RHD: variants seen among roughly 807,000 people sequenced by gnomAD.
RHD encodes Rh blood group D antigen.
RHD carries 16 observed loss-of-function variants against 45.5 expected under a neutral mutation model. The ratio of observed to expected loss-of-function variants is 0.35; its 90% CI spans 0.24 to 0.53. The LOEUF (loss-of-function observed/expected upper bound fraction) is 0.53, where lower values mean the gene tolerates loss of function less well. Ranked by LOEUF, RHD falls within the 20% of genes least tolerant of loss-of-function variation. The pLI is 0.92. For synonymous variants in RHD, 131 were observed against 217.5 expected, an observed-to-expected ratio of 0.60 and a Z score of 3.50; for missense variants, 306 against 532.0, an observed-to-expected ratio of 0.58 and a Z score of 4.18.
rs1397970816 is a variant in RHD at position 25,321,715 on chromosome 1, C to T, written c.1154-174C>T. On this transcript the variant is annotated intron_variant, in intron 8 of 9. Coordinates refer to ENST00000328664, the MANE Select transcript of RHD (RefSeq NM_016124.6). ...AAATAAAATAAAATAAAATAGGCTA[C>T]AGAATTAAGCTGGTCCAGGAATGAC... 1.6e-4 allele frequency among the ~76,000 whole-genome samples: 5 copies of T among 31,800 alleles called. 1 individual carries two copies. The highest frequency in any genetic ancestry group is 2.9e-4 in the African/African-American group (5 of 17,174). 20.9% of individuals were successfully genotyped at this position (31,800 alleles called of 152,430 possible). A position where few individuals can be genotyped will look rare whatever the true frequency, so the allele number is the denominator to read the frequency against.
At position 25,323,376 on chromosome 1, in the gene RHD, CT is replaced by C. The variant is rs1233391704; in HGVS notation, c.1227+1417del. Among the ~76,000 whole-genome samples the C allele has an allele frequency of 6.6e-5, 7 of 105,872 alleles. 1 individual carries two copies. The highest frequency in any genetic ancestry group is 2.2e-4 in the African/African-American group (7 of 31,638). 69.5% of individuals were successfully genotyped at this position (105,872 alleles called of 152,430 possible). On this transcript the variant is annotated intron_variant, in intron 9 of 9. Coordinates refer to ENST00000328664, the MANE Select transcript of RHD (RefSeq NM_016124.6). Reference sequence around the variant, plus strand: ...CACTTCCACACACTTCCTCCTGCTCCTTTGAAATTCCTCCCTCCCTACCCAC... The same window carrying C: ...CACTTCCACACACTTCCTCCTGCTCCTTGAAATTCCTCCCTCCCTACCCAC...
At chr1:25,306,546 G>C in intron 6 of RHD, 50 bp from the exon 7 acceptor site, 1 of 1,364,140 alleles carries the variant, frequency 7.3e-7, no homozygotes, top group South Asian at 1.2e-5. Context: ...GGGTGGGTAG[G>C]GAATATGGGT....
rs185907768 is a variant in RHD at position 25,287,950 on chromosome 1, C to T, written c.336-2691C>T. On this transcript the variant is annotated intron_variant, in intron 2 of 9. Coordinates refer to ENST00000328664, the MANE Select transcript of RHD (RefSeq NM_016124.6). ...GTGGGTCAGGTTGGTCTGGAACTCC[C>T]GACCTCAAGTGATCCACCTGCCTAG... is the stretch of plus-strand genomic sequence containing the variant. Among the ~76,000 whole-genome samples the T allele has an allele frequency of 4.6e-3, 607 of 131,904 alleles. 94 individuals carry two copies. The highest frequency in any genetic ancestry group is 0.018 in the South Asian group (78 of 4,268). The allele number at this position is 131,904 out of a possible 152,430, so 86.5% of individuals were successfully genotyped here. A position where few individuals can be genotyped will look rare whatever the true frequency, so the allele number is the denominator to read the frequency against.
chr1:25,276,352 C>G (rs1640954438), intron 1 of RHD, among the ~76,000 whole-genome samples: 1 of 124,334 alleles, frequency 8.0e-6, no homozygotes. Context: ...GAGATGGGCA[C>G]GTAGGGTCAT....
intron 5 of RHD, 69 bp downstream of exon 5, chr1:25,301,755 C>T: frequency 1.8e-6 from 2 of 1,124,960 alleles, no homozygotes; most frequent in Non-Finnish European, 2.7e-6. Flanking sequence ...TATGCCCCTC[C>T]CCACCCCAGG....
At chr1:25,318,592 A>T (rs1455453879) in intron 8 of RHD, among the ~76,000 whole-genome samples, 4 of 131,614 alleles carry the variant, frequency 3.0e-5, no homozygotes, top group African/African-American at 1.0e-4. Context: ...TCTCAAAAAA[A>T]AAAGAAAGAA....
intron 9 of RHD, 46 bp from the exon 10 acceptor site, chr1:25,328,852 G>C: frequency 3.2e-6 from 3 of 947,738 alleles, no homozygotes; most frequent in Non-Finnish European, 1.6e-6. Flanking sequence ...GCCAAAATCA[G>C]TATGTGGGTT....
chr1:25,321,784 T>C, intron 8 of RHD, 105 bp from the exon 9 acceptor site: 1 of 588,962 alleles, frequency 1.7e-6, no homozygotes, highest in South Asian at 1.8e-5. Flanking sequence ...AGAAAAAGGA[T>C]TTCTGTTGAG....
chr1:25,286,793 AAAAAC>A (rs1295553262), intron 2 of RHD, among the ~76,000 whole-genome samples: 1 of 132,100 alleles, frequency 7.6e-6, no homozygotes, highest in East Asian at 1.9e-4. Context: ...CTCAAAAAAA[AAAAAC>A]AAAAACAGTT....
rs1640727815 is a variant in RHD at position 25,274,117 on chromosome 1, T to C, written c.148+1422T>C. Among the ~76,000 whole-genome samples, 3 of 132,900 alleles carry C rather than the reference T, an allele frequency of 2.3e-5. 1 individual carries two copies. The South Asian group carries it at 6.9e-4, about 30-fold the overall frequency. The allele number at this position is 132,900 out of a possible 152,430, so 87.2% of individuals were successfully genotyped here. A position where few individuals can be genotyped will look rare whatever the true frequency, so the allele number is the denominator to read the frequency against. ...TCATGATGATTAGAGCTGATATTTA[T>C]GAGCACTTACTATGTACCAGGCACT... On this transcript the variant is annotated intron_variant, in intron 1 of 9. Coordinates refer to ENST00000328664, the MANE Select transcript of RHD (RefSeq NM_016124.6).
chr1:25,286,565 T>A lies in RHD; in HGVS notation c.335+1806T>A, dbSNP rs1381055132. On this transcript the variant is annotated intron_variant, in intron 2 of 9. Coordinates refer to ENST00000328664, the MANE Select transcript of RHD (RefSeq NM_016124.6). Reference sequence around the variant, plus strand: ...ACTTTGGGAGGCCAAGGCGGGGGGATCATGAGGTCAGGAGATCGAGACCAT... The same window carrying A: ...ACTTTGGGAGGCCAAGGCGGGGGGAACATGAGGTCAGGAGATCGAGACCAT... Among the ~76,000 whole-genome samples the A allele has an allele frequency of 1.3e-4, 18 of 133,924 alleles. 3 individuals carry two copies. The highest frequency in any genetic ancestry group is 4.7e-4 in the African/African-American group (18 of 38,472). 87.9% of individuals were successfully genotyped at this position (133,924 alleles called of 152,430 possible).
In RHD at chr1:25,292,656, G is replaced by T. The variant is rs186522372; in HGVS notation, c.486+1865G>T. On this transcript the variant is annotated intron_variant, in intron 3 of 9. Transcript: ENST00000328664. ...AGCGTTAGGGTTAAGGTTGGGGGAGGGGGGGTAGAGATGTGTATGAAACAT... is the reference window on the plus strand; with the variant it reads ...AGCGTTAGGGTTAAGGTTGGGGGAGTGGGGGTAGAGATGTGTATGAAACAT... 2.6e-3 allele frequency among the ~76,000 whole-genome samples: 341 copies of T among 129,748 alleles called. 91 individuals carry two copies. Among genetic ancestry groups the T allele is most frequent in the Non-Finnish European group, 5.1e-3 (277 of 54,672 alleles). 85.1% of individuals were successfully genotyped at this position (129,748 alleles called of 152,430 possible). A position where few individuals can be genotyped will look rare whatever the true frequency, so the allele number is the denominator to read the frequency against.
Position 25,290,841 on chromosome 1 carries a change from T to TC in RHD, c.486+52dup. 3 of 1,358,344 alleles carry TC rather than the reference T, an allele frequency of 2.2e-6. 1 individual carries two copies. The allele number at this position is 1,358,344 out of a possible 1,614,324, so 84.1% of individuals were successfully genotyped here. On this transcript the variant is annotated intron_variant, in intron 3 of 9. Coordinates refer to ENST00000328664, the MANE Select transcript of RHD (RefSeq NM_016124.6). ...GACCTGGGAGAAAAGGGCCAAAAGC[T>TC]CCATTTGGTGGGGTTTCCAGGGTTT...
intron 1 of RHD, among the ~76,000 whole-genome samples, chr1:25,282,570 G>A (rs1641584334): frequency 7.6e-6 from 1 of 132,434 alleles, no homozygotes; most frequent in Admixed American, 7.4e-5. Context: ...AAATGATAGA[G>A]CTGGGATCGA....
chr1:25,282,645 C>T lies in RHD; in HGVS notation c.149-1928C>T, dbSNP rs1641593192. Among the ~76,000 whole-genome samples the T allele has an allele frequency of 1.5e-5, 2 of 132,406 alleles. 1 individual carries two copies. The highest frequency in any genetic ancestry group is 3.6e-5 in the Non-Finnish European group (2 of 55,816). The allele number at this position is 132,406 out of a possible 152,430, so 86.9% of individuals were successfully genotyped here. Reference sequence around the variant, plus strand: ...ACCTTTTTGAAAAACATTGTCTAGGCTGGGCACGATGGCTCATGCCTGTAA... The same window carrying T: ...ACCTTTTTGAAAAACATTGTCTAGGTTGGGCACGATGGCTCATGCCTGTAA... On this transcript the variant is annotated intron_variant, in intron 1 of 9. Transcript: ENST00000328664.
At chr1:25,307,577 T>A (rs2124695394) in intron 7 of RHD, 2 of 681,970 alleles carry the variant, frequency 2.9e-6, no homozygotes, top group East Asian at 5.3e-5. Flanking sequence ...CTCCTTGAAT[T>A]CTCACAACCG....
rs1643357499 is a variant in RHD, at chr1:25,301,151, A to G, written c.634+58A>G. On this transcript the variant is annotated intron_variant, in intron 4 of 9. Transcript: ENST00000328664. Reference sequence around the variant, plus strand: ...TTGGGCTGAGCAGAATGGCTCAGAAAAGGCTCTGGCTGAAAAAATCTCCCT... The same window carrying G: ...TTGGGCTGAGCAGAATGGCTCAGAAGAGGCTCTGGCTGAAAAAATCTCCCT... 34 of 1,328,718 alleles carry G rather than the reference A, an allele frequency of 2.6e-5. 9 individuals carry two copies. Among genetic ancestry groups the G allele is most frequent in the Non-Finnish European group, 3.5e-5 (33 of 936,360 alleles). The allele number at this position is 1,328,718 out of a possible 1,614,324, so 82.3% of individuals were successfully genotyped here. A position where few individuals can be genotyped will look rare whatever the true frequency, so the allele number is the denominator to read the frequency against.
In RHD at chr1:25,315,186, A is replaced by T; in HGVS notation, c.1074-1814A>T. Among the ~76,000 whole-genome samples the T allele has an allele frequency of 1.5e-5, 2 of 130,086 alleles. 1 individual carries two copies. The highest frequency in any genetic ancestry group is 5.3e-5 in the African/African-American group (2 of 37,876). The allele number at this position is 130,086 out of a possible 152,430, so 85.3% of individuals were successfully genotyped here. On this transcript the variant is annotated intron_variant, in intron 7 of 9. Transcript: ENST00000328664. Reference sequence around the variant, plus strand: ...AAATTTTTTTTGCAAGGTCATGCATATGTCCCCCTGATTTTTTTCCTAAAA... The same window carrying T: ...AAATTTTTTTTGCAAGGTCATGCATTTGTCCCCCTGATTTTTTTCCTAAAA...
rs1047114410 is a variant in RHD at position 25,315,220 on chromosome 1, T to G, written c.1074-1780T>G. On this transcript the variant is annotated intron_variant, in intron 7 of 9. Coordinates refer to ENST00000328664, the MANE Select transcript of RHD (RefSeq NM_016124.6). ...TGATTTTTTTCCTAAAAATCACTTA[T>G]TATTAGATCAATGAATTGAGTAATT... Among the ~76,000 whole-genome samples the G allele has an allele frequency of 1.5e-5, 2 of 129,226 alleles. 1 individual carries two copies. The highest frequency in any genetic ancestry group is 1.5e-4 in the Admixed American group (2 of 13,262). 84.8% of individuals were successfully genotyped at this position (129,226 alleles called of 152,430 possible). A position where few individuals can be genotyped will look rare whatever the true frequency, so the allele number is the denominator to read the frequency against.
Sources: gnomAD v4.1 joint callset for allele counts (sites outside exome capture counted in the v4.1 genomes callset) on GRCh38, gnomAD v4.1.1 for gene constraint, MANE v1.5 for transcripts, NCBI Gene and HGNC (gene_info 2026-07-23, HGNC 2026-07-21) for gene names.